The following ELOVL5 variants were observed in gnomAD, a reference collection of about 807,000 sequenced individuals.
ELOVL5 encodes the protein ELOVL fatty acid elongase 5.
ELOVL5 carries 8 observed loss-of-function variants against 38.6 expected under a neutral mutation model. The ratio of observed to expected loss-of-function variants is 0.21; its 90% CI spans 0.12 to 0.37. The LOEUF (loss-of-function observed/expected upper bound fraction) is 0.37. ELOVL5 is among the 10% of genes least tolerant of loss of function. The pLI is 1.00. For synonymous variants in ELOVL5, 127 were observed against 133.7 expected (o/e 0.95, Z 0.34); for missense variants, 280 against 367.8 (o/e 0.76, Z 1.95).
intron 1 of ELOVL5, among the ~76,000 whole-genome samples, chr6:53,302,371 C>T (rs1006861995): frequency 2.0e-5 from 3 of 152,236 alleles, no homozygotes; most frequent in African/African-American, 7.2e-5. Context: ...ATCAGTCCCC[C>T]TCCACCTCCT....
At chr6:53,332,399 G>A (rs758454265) in intron 1 of ELOVL5, among the ~76,000 whole-genome samples, 10 of 152,152 alleles carry the variant, frequency 6.6e-5, no homozygotes, top group Non-Finnish European at 1.3e-4. Context: ...TCCTCATGGA[G>A]ACTTAATTAC....
intron 1 of ELOVL5, among the ~76,000 whole-genome samples, 188 bp from the exon 2 acceptor site, chr6:53,295,895 GA>G (rs1226567902): frequency 1.3e-5 from 2 of 152,108 alleles, no homozygotes; most frequent in Non-Finnish European, 2.9e-5. Flanking sequence ...AGATCAAAAG[GA>G]AAGACACAAT....
At chr6:53,291,731 G>A in intron 3 of ELOVL5, 45 bp downstream of exon 3, 1 of 1,480,884 alleles carries the variant, frequency 6.8e-7, no homozygotes, top group Non-Finnish European at 9.2e-7. Context: ...ACAGCAATAT[G>A]AGTGCATTTA....
chr6:53,300,277 C>A (rs1289580360), intron 1 of ELOVL5, among the ~76,000 whole-genome samples: 1 of 152,138 alleles, frequency 6.6e-6, no homozygotes, highest in Non-Finnish European at 1.5e-5. Flanking sequence ...TTTGTCAAGG[C>A]AGCCCCATAA....
intron 5 of ELOVL5, among the ~76,000 whole-genome samples, chr6:53,274,403 C>T (rs760384093): frequency 6.6e-6 from 1 of 151,886 alleles, no homozygotes; most frequent in Non-Finnish European, 1.5e-5. Context: ...CAGTGCTATC[C>T]CAGAGAAAAA....
intron 1 of ELOVL5, among the ~76,000 whole-genome samples, chr6:53,314,332 G>C (rs1378589083): frequency 6.6e-6 from 1 of 152,194 alleles, no homozygotes; most frequent in African/African-American, 2.4e-5. Context: ...AAATTAACAT[G>C]AAGTCAGTTA....
intron 1 of ELOVL5, among the ~76,000 whole-genome samples, chr6:53,345,085 G>A (rs976965640): frequency 6.6e-6 from 1 of 152,134 alleles, no homozygotes. Flanking sequence ...CTTATCAAAT[G>A]TCCACTGTTC....
rs1211624497 is a variant in ELOVL5, at chr6:53,295,638, T to G, written c.58+4A>C. 2 of 1,600,500 alleles carry G rather than the reference T, an allele frequency of 1.2e-6. No individual in the cohort carries two copies. The highest frequency in any genetic ancestry group is 1.7e-6 in the Non-Finnish European group (2 of 1,175,738). On this transcript the variant is annotated splice_donor_region_variant and intron_variant, in intron 2 of 7. Coordinates refer to ENST00000304434, the MANE Select transcript of ELOVL5 (RefSeq NM_021814.5). ...AAGGTAAGCAAAACCAAAAACCACC[T>G]TACCTCGAGGGCCTAGCAATGCCTT...
chr6:53,324,814 C>A (rs1288704297), intron 1 of ELOVL5, among the ~76,000 whole-genome samples: 1 of 151,510 alleles, frequency 6.6e-6, no homozygotes, highest in East Asian at 1.9e-4. Context: ...AAAAAAAAAT[C>A]AGAATTTCTT....
At chr6:53,318,779 C>T (rs939685079) in intron 1 of ELOVL5, among the ~76,000 whole-genome samples, 3 of 151,980 alleles carry the variant, frequency 2.0e-5, no homozygotes, top group African/African-American at 7.2e-5. Flanking sequence ...AGCACATACT[C>T]GTAAGCTTAA....
At position 53,272,919 on chromosome 6, in the gene ELOVL5, T is replaced by C. The variant is rs1213728652; in HGVS notation, c.621+301A>G. On this transcript the variant is annotated intron_variant, in intron 6 of 7. Coordinates refer to ENST00000304434, the MANE Select transcript of ELOVL5 (RefSeq NM_021814.5). ...ACTATAATTAGAAAACACACACACA[T>C]ATACACACATACATGCATATGTGCT... is the stretch of plus-strand genomic sequence containing the variant. 1.5e-5 allele frequency among the ~76,000 whole-genome samples: 1 copy of C among 68,318 alleles called. No homozygotes were observed. Among genetic ancestry groups the C allele is most frequent in the Non-Finnish European group, 2.9e-5 (1 of 34,438 alleles). The allele number at this position is 68,318 out of a possible 152,430, so 44.8% of individuals were successfully genotyped here.
chr6:53,338,141 A>G (rs1188554283), intron 1 of ELOVL5, among the ~76,000 whole-genome samples: 1 of 152,202 alleles, frequency 6.6e-6, no homozygotes, highest in African/African-American at 2.4e-5. Flanking sequence ...GGGCAAGTAG[A>G]TCATGCAATG....
intron 1 of ELOVL5, among the ~76,000 whole-genome samples, chr6:53,331,869 T>C (rs1442798729): frequency 6.6e-6 from 1 of 152,212 alleles, no homozygotes; most frequent in East Asian, 1.9e-4. Context: ...AGCTCACAGT[T>C]CTGCAGACTG....
chr6:53,303,599 T>G (rs1308878382), intron 1 of ELOVL5, among the ~76,000 whole-genome samples: 1 of 152,188 alleles, frequency 6.6e-6, no homozygotes, highest in African/African-American at 2.4e-5. Flanking sequence ...GGGGCACTGA[T>G]AGATTCTACA....
intron 1 of ELOVL5, among the ~76,000 whole-genome samples, chr6:53,347,106 A>G (rs1769579845): frequency 1.3e-5 from 2 of 152,226 alleles, no homozygotes; most frequent in Admixed American, 6.5e-5. Flanking sequence ...AAATTTTAGT[A>G]AGCCTTCTAC....
chr6:53,272,615 T>C (rs1337539534), intron 6 of ELOVL5, among the ~76,000 whole-genome samples: 1 of 152,158 alleles, frequency 6.6e-6, no homozygotes, highest in Non-Finnish European at 1.5e-5. Context: ...ACCTATAATA[T>C]ACTGATGAAT....
At chr6:53,337,991 A>G (rs1342092962) in intron 1 of ELOVL5, among the ~76,000 whole-genome samples, 1 of 152,182 alleles carries the variant, frequency 6.6e-6, no homozygotes, top group Non-Finnish European at 1.5e-5. Context: ...GGTGCTCCTG[A>G]CTACGTTGGC....
intron 1 of ELOVL5, among the ~76,000 whole-genome samples, chr6:53,325,390 G>A (rs1467960208): frequency 2.6e-5 from 4 of 152,012 alleles, no homozygotes; most frequent in Non-Finnish European, 2.9e-5. Flanking sequence ...AAAAGTGCCC[G>A]TATCTTACCT....
chr6:53,276,143 C>T, intron 4 of ELOVL5, 36 bp downstream of exon 4: 1 of 1,439,612 alleles, frequency 6.9e-7, no homozygotes, highest in East Asian at 2.3e-5. Flanking sequence ...AAACTCAACA[C>T]TTATAATAAT....
Sources: gnomAD v4.1 joint callset for allele counts (sites outside exome capture counted in the v4.1 genomes callset) on GRCh38, gnomAD v4.1.1 for gene constraint, MANE v1.5 for transcripts, NCBI Gene and HGNC (gene_info 2026-07-23, HGNC 2026-07-21) for gene names.